Variants in WDR27 observed in about 807,000 individuals in gnomAD.
The protein encoded by WDR27 is WD repeat domain 27.
In WDR27, 100 loss-of-function variants were observed where a neutral mutation model predicts 114.4. That is an observed-to-expected ratio of 0.87 (90% confidence interval 0.74 to 1.03). The LOEUF (loss-of-function observed/expected upper bound fraction) is 1.03. WDR27 is among the 50% of genes least tolerant of loss of function. The pLI, the probability that WDR27 is intolerant of heterozygous loss-of-function variation, is 0.00. For missense variants in WDR27, 1,129 were observed against 1,092.9 expected, an observed-to-expected ratio of 1.03 and a Z score of -0.47; for synonymous variants, 449 against 423.1, an observed-to-expected ratio of 1.06 and a Z score of -0.75.
chr6:169,625,655 C>G (rs933476453), intron 21 of WDR27, among the ~76,000 whole-genome samples: 1 of 152,216 alleles, frequency 6.6e-6, no homozygotes, highest in Admixed American at 6.5e-5. Context: ...AACCGGCAGG[C>G]AGGTGCAGTC....
chr6:169,668,016 G>A lies in WDR27; in HGVS notation c.626C>T (p.Thr209Ile). 1.2e-6 allele frequency: 2 copies of A among 1,613,930 alleles called. No homozygotes were observed. The highest frequency in any genetic ancestry group is 1.1e-5 in the South Asian group (1 of 91,060). Residue 209 changes from threonine to isoleucine, a missense_variant, in exon 5 of 26, where the codon ACC (threonine) becomes ATC (isoleucine). Physicochemically the swap from Thr to Ile is moderately conservative, Grantham distance 89 (BLOSUM62 -1). Coordinates refer to ENST00000448612, the MANE Select transcript of WDR27 (RefSeq NM_182552.5). ...AVEFCPWRAG[T>I]LISASEDRGF... ...TCTGTCCTCAGACGCCGAGATGAGG[G>A]TGCCTGCTCGCCAGGGACAGAACTC...
the WDR27 span, among the ~76,000 whole-genome samples, chr6:169,443,212 G>T: frequency 1.3e-5 from 2 of 152,248 alleles, no homozygotes; most frequent in South Asian, 4.2e-4. Flanking sequence ...CCACAGAATG[G>T]ATGCGTGGAC....
At chr6:169,592,166 T>C (rs16888230) in intron 23 of WDR27, among the ~76,000 whole-genome samples, 5,281 of 152,254 alleles carry the variant, frequency 0.035, 240 homozygotes, top group African/African-American at 0.11. Flanking sequence ...CCGGGGGTAT[T>C]TGGACCATTG....
intron 23 of WDR27, among the ~76,000 whole-genome samples, chr6:169,590,872 T>C (rs149567602): frequency 9.7e-4 from 148 of 152,334 alleles, no homozygotes; most frequent in Middle Eastern, 3.4e-3. Flanking sequence ...TCCATGTTCC[T>C]TATCCATTCC....
intron 25 of WDR27, among the ~76,000 whole-genome samples, chr6:169,523,622 G>A (rs1055689434): frequency 2.6e-5 from 4 of 151,780 alleles, no homozygotes; most frequent in Non-Finnish European, 4.4e-5. Flanking sequence ...GATTCATCCT[G>A]GGGATGCCAA....
At chr6:169,447,579 T>C in the WDR27 span, among the ~76,000 whole-genome samples, 1 of 152,222 alleles carries the variant, frequency 6.6e-6, no homozygotes, top group African/African-American at 2.4e-5. Flanking sequence ...TGATTACTAC[T>C]GTGCAATATT....
At chr6:169,654,739 A>AGGCGCGCACAGGAGGC (rs1554347973) in intron 13 of WDR27, among the ~76,000 whole-genome samples, 9 of 151,780 alleles carry the variant, frequency 5.9e-5, no homozygotes, top group African/African-American at 2.2e-4. Context: ...GCACAGGAGG[A>AGGCGCGCACAGGAGGC]GGCGCGCACA....
intron 16 of WDR27, among the ~76,000 whole-genome samples, chr6:169,645,115 A>T: frequency 7.1e-6 from 1 of 140,816 alleles, no homozygotes; most frequent in Non-Finnish European, 1.5e-5. Flanking sequence ...CAGGAGTCCC[A>T]CTGTAGGAAA....
In WDR27 at chr6:169,477,476, T is replaced by C. The variant is rs180859702; in HGVS notation, c.2646-19842A>G. The stretch of plus-strand genomic sequence containing the variant: ...TTCTTTGAGACAGAGTCTGGCTCTG[T>C]TGACCAGGCTGGAGTGCAGTGGTGC... On this transcript the variant is annotated intron_variant, in intron 25 of 25. Transcript: ENST00000448612. 8.5e-5 allele frequency among the ~76,000 whole-genome samples: 13 copies of C among 152,326 alleles called. No homozygotes were observed. The East Asian group carries it at 2.5e-3, about 29-fold the overall frequency.
intron 18 of WDR27, among the ~76,000 whole-genome samples, chr6:169,636,919 T>A (rs77260813): frequency 6.6e-6 from 1 of 152,228 alleles, no homozygotes; most frequent in African/African-American, 2.4e-5. Context: ...AACTCCTTCC[T>A]GAAGCTGCTG....
intron 25 of WDR27, chr6:169,559,112 G>A (rs1371845104): frequency 1.3e-5 from 2 of 152,182 alleles, no homozygotes; most frequent in Admixed American, 6.5e-5. Flanking sequence ...AAATCTTGAA[G>A]CCAATCCCTT....
intron 19 of WDR27, 47 bp from the exon 20 acceptor site, chr6:169,634,572 T>A: frequency 8.0e-7 from 1 of 1,242,374 alleles, no homozygotes; most frequent in Non-Finnish European, 1.2e-6. Context: ...TTCCTTCTGC[T>A]ACAACTAAAC....
At chr6:169,539,502 A>G (rs1209131530) in intron 25 of WDR27, among the ~76,000 whole-genome samples, 1 of 152,098 alleles carries the variant, frequency 6.6e-6, no homozygotes, top group Non-Finnish European at 1.5e-5. Flanking sequence ...GACATCCACC[A>G]CCATCCCTTA....
chr6:169,480,850 T>C (rs183681354), intron 25 of WDR27, among the ~76,000 whole-genome samples: 42 of 147,794 alleles, frequency 2.8e-4, no homozygotes, highest in South Asian at 1.5e-3. Flanking sequence ...CAATCAGCAC[T>C]CTGTGTCTAG....
rs541340513 is a variant in WDR27 at position 169,667,157 on chromosome 6, A to G, written c.691T>C (p.Tyr231His). Residue 231 changes from tyrosine to histidine, a missense_variant, in exon 6 of 26, where the codon TAC (tyrosine) becomes CAC (histidine). Coordinates refer to ENST00000448612, the MANE Select transcript of WDR27 (RefSeq NM_182552.5). ...VWDHCTGSLI[Y>H]SSSVLSAYPL... Reference sequence around the variant, plus strand: ...TTACCTGATAACACAGATGAACTGTATATTAATGATCCTGTACAATGGTCC... The same window carrying G: ...TTACCTGATAACACAGATGAACTGTGTATTAATGATCCTGTACAATGGTCC... 22 of 1,533,882 alleles carry G rather than the reference A, an allele frequency of 1.4e-5. No individual in the cohort carries two copies. Among genetic ancestry groups the G allele is most frequent in the African/African-American group, 2.8e-5 (2 of 72,660 alleles).
downstream of WDR27, among the ~76,000 whole-genome samples, chr6:169,453,991 G>A (rs1386382879): frequency 1.3e-5 from 2 of 152,178 alleles, no homozygotes; most frequent in African/African-American, 4.8e-5. Flanking sequence ...GTTGGCAGCT[G>A]CAGTGTGTTC....
intron 25 of WDR27, among the ~76,000 whole-genome samples, chr6:169,484,002 C>CTAGGT (rs1788542889): frequency 6.6e-6 from 1 of 152,072 alleles, no homozygotes; most frequent in South Asian, 2.1e-4. Context: ...TCTCAATAAA[C>CTAGGT]TAGGTACTGA....
chr6:169,679,376 T>C (rs536729521), intron 2 of WDR27, among the ~76,000 whole-genome samples: 7 of 152,300 alleles, frequency 4.6e-5, no homozygotes, highest in Admixed American at 2.0e-4. Flanking sequence ...TGGAAAGACA[T>C]GATTATATTT....
At chr6:169,645,187 A>C (rs1267821564) in intron 16 of WDR27, among the ~76,000 whole-genome samples, 1 of 151,638 alleles carries the variant, frequency 6.6e-6, no homozygotes, top group East Asian at 1.9e-4. Flanking sequence ...ACTGTAGAAA[A>C]GCCTAGTTCA....
Sources: allele counts gnomAD v4.1 joint callset (sites outside exome capture counted in the v4.1 genomes callset), GRCh38; gene constraint gnomAD v4.1.1; transcripts MANE v1.5; gene names NCBI Gene and HGNC (gene_info 2026-07-23, HGNC 2026-07-21).